Variants in TNKS observed in about 807,000 individuals in gnomAD.
The protein encoded by TNKS is tankyrase.
In TNKS, 72 loss-of-function variants were observed where a neutral mutation model predicts 135.8. The observed-to-expected ratio is 0.53, with a 90% CI of 0.44 to 0.64. The LOEUF is 0.64. Ranked by LOEUF, TNKS falls within the 30% of genes least tolerant of loss-of-function variation. TNKS has a pLI of 0.00. For missense variants in TNKS, 1,769 were observed against 1,674.0 expected (o/e 1.06, Z -0.99); for synonymous variants, 849 against 649.3 (o/e 1.31, Z -4.68).
chr8:9,647,197 C>T (rs759709784), intron 3 of TNKS, among the ~76,000 whole-genome samples: 20 of 152,194 alleles, frequency 1.3e-4, no homozygotes, highest in Non-Finnish European at 2.4e-4. Flanking sequence ...CACTTCTACC[C>T]TCAGTCTAGA....
At chr8:9,741,918 C>A in intron 17 of TNKS, 1 of 226,614 alleles carries the variant, frequency 4.4e-6, no homozygotes. Flanking sequence ...CCTTTTCTAA[C>A]TCCAAGTAAG....
At chr8:9,569,405 GT>G (rs1209026498) in intron 1 of TNKS, among the ~76,000 whole-genome samples, 2 of 152,186 alleles carry the variant, frequency 1.3e-5, no homozygotes, top group Non-Finnish European at 2.9e-5. Context: ...TGTCTTTTGA[GT>G]CGTTACCCCT....
In TNKS at chr8:9,781,810, T is replaced by G. The variant is rs1029529169; in HGVS notation, c.*5074T>G. 1.3e-5 allele frequency: 2 copies of G among 152,608 alleles called. No homozygotes were observed. Among genetic ancestry groups the G allele is most frequent in the African/African-American group, 4.8e-5 (2 of 41,448 alleles). 9.5% of individuals were successfully genotyped at this position (152,608 alleles called of 1,614,324 possible). Reference sequence around the variant, plus strand: ...GTGACTCTTTGGTTCATTATTCGTGTTGTTTTTATTTTTAGTCTCTGTGTG... The same window carrying G: ...GTGACTCTTTGGTTCATTATTCGTGGTGTTTTTATTTTTAGTCTCTGTGTG... On this transcript the variant is annotated 3_prime_UTR_variant, in exon 27 of 27. Coordinates refer to ENST00000310430, the MANE Select transcript of TNKS (RefSeq NM_003747.3).
chr8:9,671,605 G>A (rs1449703622), intron 3 of TNKS, among the ~76,000 whole-genome samples: 1 of 152,194 alleles, frequency 6.6e-6, no homozygotes, highest in African/African-American at 2.4e-5. Context: ...GAGGGGGATT[G>A]GAGTAGGCGA....
At chr8:9,761,932 C>G (rs1807169138) in intron 21 of TNKS, among the ~76,000 whole-genome samples, 1 of 152,194 alleles carries the variant, frequency 6.6e-6, no homozygotes, top group East Asian at 1.9e-4. Context: ...GTGGACTGTC[C>G]CAGCCACCTG....
chr8:9,724,066 T>C (rs1012044886), intron 12 of TNKS, among the ~76,000 whole-genome samples: 1 of 149,048 alleles, frequency 6.7e-6, no homozygotes, highest in African/African-American at 2.6e-5. Flanking sequence ...CTAGCGTTTC[T>C]AACTTTTTAA....
At chr8:9,728,365 G>A (rs1805259917) in intron 13 of TNKS, among the ~76,000 whole-genome samples, 1 of 152,150 alleles carries the variant, frequency 6.6e-6, no homozygotes, top group Admixed American at 6.5e-5. Flanking sequence ...ATGTGAAATT[G>A]CTTTGCCATT....
chr8:9,740,823 G>C (rs950537055), intron 17 of TNKS: 5 of 60,496 alleles, frequency 8.3e-5, no homozygotes, highest in African/African-American at 2.3e-4. Context: ...TGTAATTCTT[G>C]TTGTTTTTTT....
intron 2 of TNKS, among the ~76,000 whole-genome samples, chr8:9,598,731 GTGTC>G (rs1554444992): frequency 3.1e-5 from 4 of 128,490 alleles, no homozygotes; most frequent in Admixed American, 8.1e-5. Flanking sequence ...GTGTGTGTGT[GTGTC>G]TGTGTGTGTA....
In TNKS at chr8:9,581,565, T is replaced by C. The variant is rs1296548466; in HGVS notation, c.898+1182T>C. The stretch of plus-strand genomic sequence containing the variant: ...TTATGTTACTTGCTTTTGTAAATGA[T>C]AACTATTATTGAGCTTGGAATGTGT... On this transcript the variant is annotated intron_variant, in intron 2 of 26. Transcript: ENST00000310430. Among the ~76,000 whole-genome samples, 3 of 152,354 alleles carry C rather than the reference T, an allele frequency of 2.0e-5. No homozygotes were observed. In the East Asian group the frequency reaches 5.8e-4, roughly 29 times the overall value.
At chr8:9,669,424 C>CAAAA (rs536063027) in intron 3 of TNKS, among the ~76,000 whole-genome samples, 7 of 94,866 alleles carry the variant, frequency 7.4e-5, no homozygotes, top group South Asian at 3.4e-4. Context: ...GACTCCGCCT[C>CAAAA]AAAAAAAAAA....
chr8:9,559,865 T>C (rs1356211094), intron 1 of TNKS, among the ~76,000 whole-genome samples: 1 of 152,184 alleles, frequency 6.6e-6, no homozygotes, highest in African/African-American at 2.4e-5. Flanking sequence ...GTTTAGAATA[T>C]GGTTTAGAGA....
intron 1 of TNKS, among the ~76,000 whole-genome samples, chr8:9,559,332 G>T (rs918360878): frequency 2.6e-5 from 4 of 152,138 alleles, no homozygotes; most frequent in African/African-American, 9.7e-5. Context: ...GGAATTAAAA[G>T]GGTGAGCCCA....
At chr8:9,715,930 C>T (rs569627410) in intron 11 of TNKS, among the ~76,000 whole-genome samples, 53 of 152,298 alleles carry the variant, frequency 3.5e-4, no homozygotes, top group Non-Finnish European at 5.1e-4. Flanking sequence ...TGGCATTCTG[C>T]ATTCTGTCAG....
At chr8:9,663,710 C>G (rs746008389) in intron 3 of TNKS, among the ~76,000 whole-genome samples, 2 of 152,124 alleles carry the variant, frequency 1.3e-5, no homozygotes, top group Non-Finnish European at 2.9e-5. Flanking sequence ...TAGTGGTGCC[C>G]ACAGAACTCA....
chr8:9,720,309 T>C (rs1371145696), intron 11 of TNKS, 65 bp from the exon 12 acceptor site: 3 of 1,377,040 alleles, frequency 2.2e-6, no homozygotes, highest in Non-Finnish European at 2.9e-6. Flanking sequence ...GAATGTATTT[T>C]CTAAGGTATA....
At chr8:9,713,715 A>T (rs1804445964) in intron 11 of TNKS, among the ~76,000 whole-genome samples, 1 of 152,240 alleles carries the variant, frequency 6.6e-6, no homozygotes, top group East Asian at 1.9e-4. Context: ...TAGATATCAA[A>T]TGCCGTAGCA....
intron 2 of TNKS, among the ~76,000 whole-genome samples, chr8:9,582,957 G>A (rs972617810): frequency 6.6e-6 from 1 of 151,978 alleles, no homozygotes; most frequent in Non-Finnish European, 1.5e-5. Context: ...ACGAGGTCAG[G>A]AGATCGAGAC....
chr8:9,563,472 G>A (rs1358304683), intron 1 of TNKS, among the ~76,000 whole-genome samples: 1 of 152,082 alleles, frequency 6.6e-6, no homozygotes, highest in Non-Finnish European at 1.5e-5. Flanking sequence ...ATATGTAAAT[G>A]AATGAGTGTG....
Sources: allele counts gnomAD v4.1 joint callset (sites outside exome capture counted in the v4.1 genomes callset), GRCh38; gene constraint gnomAD v4.1.1; transcripts MANE v1.5; gene names NCBI Gene and HGNC (gene_info 2026-07-23, HGNC 2026-07-21).